RASGRF2: variants seen among roughly 807,000 people sequenced by gnomAD.
The protein encoded by RASGRF2 is Ras protein specific guanine nucleotide releasing factor 2.
Under a neutral mutation model 151.0 loss-of-function variants are expected in RASGRF2, and 76 were observed. That is an observed-to-expected ratio of 0.50 (90% CI 0.42 to 0.61). RASGRF2 has a LOEUF of 0.61. RASGRF2 is among the 20% of genes least tolerant of loss of function. The pLI, the probability that RASGRF2 is intolerant of heterozygous loss-of-function variation, is 0.00. For synonymous variants in RASGRF2, 504 were observed against 566.5 expected, an observed-to-expected ratio of 0.89 and a Z score of 1.57; for missense variants, 1,148 against 1,564.6, an observed-to-expected ratio of 0.73 and a Z score of 4.49.
At chr5:80,964,736 G>A (rs998692864) in intron 1 of RASGRF2, among the ~76,000 whole-genome samples, 1 of 152,026 alleles carries the variant, frequency 6.6e-6, no homozygotes, top group Non-Finnish European at 1.5e-5. Context: ...TGAGAAATAC[G>A]ATTGCAGACC....
intron 25 of RASGRF2, among the ~76,000 whole-genome samples, chr5:81,219,426 G>T (rs1042428485): frequency 1.3e-5 from 2 of 152,154 alleles, no homozygotes; most frequent in Non-Finnish European, 2.9e-5. Context: ...AGGAGCCCAC[G>T]GATGACAGCA....
At chr5:81,120,826 G>A (rs1455232388) in intron 15 of RASGRF2, among the ~76,000 whole-genome samples, 1 of 152,108 alleles carries the variant, frequency 6.6e-6, no homozygotes, top group Non-Finnish European at 1.5e-5. Context: ...TTGGTTGTGC[G>A]GGCACATGCT....
At chr5:81,023,023 G>A (rs1011059081) in intron 1 of RASGRF2, among the ~76,000 whole-genome samples, 7 of 146,364 alleles carry the variant, frequency 4.8e-5, no homozygotes, top group Admixed American at 4.1e-4. Flanking sequence ...CAGCTGTTGA[G>A]TCCAGATGCA....
At chr5:80,990,460 G>A (rs1017433526) in intron 1 of RASGRF2, among the ~76,000 whole-genome samples, 2 of 152,126 alleles carry the variant, frequency 1.3e-5, no homozygotes, top group Non-Finnish European at 2.9e-5. Flanking sequence ...CCAGGAAGAA[G>A]TCGTCTAGAC....
At position 81,212,254 on chromosome 5, in the gene RASGRF2, A is replaced by T. The variant is rs372292552; in HGVS notation, c.3157-112A>T. On this transcript the variant is annotated intron_variant, in intron 22 of 26. Coordinates refer to ENST00000265080, the MANE Select transcript of RASGRF2 (RefSeq NM_006909.3). Reference sequence around the variant, plus strand: ...ATCTAAATGTAGAATATGATCTTCAAGCTACTCAACACCCTGCCTTCCTGA... The same window carrying T: ...ATCTAAATGTAGAATATGATCTTCATGCTACTCAACACCCTGCCTTCCTGA... 8.4e-4 allele frequency: 572 copies of T among 677,210 alleles called. 1 individual carries two copies. The highest frequency in any genetic ancestry group is 1.1e-3 in the Admixed American group (34 of 31,692). 42.0% of individuals were successfully genotyped at this position (677,210 alleles called of 1,614,324 possible).
chr5:81,147,163 C>T (rs966578410), intron 17 of RASGRF2, among the ~76,000 whole-genome samples: 1 of 152,120 alleles, frequency 6.6e-6, no homozygotes, highest in South Asian at 2.1e-4. Context: ...AACAAAGTGT[C>T]GCATTACCAA....
intron 17 of RASGRF2, among the ~76,000 whole-genome samples, chr5:81,143,825 G>T (rs1235256799): frequency 6.6e-6 from 1 of 151,564 alleles, no homozygotes; most frequent in Non-Finnish European, 1.5e-5. Flanking sequence ...GGGAGGCAGA[G>T]GTTGCAATGA....
chr5:81,093,903 C>T (rs1190979050), intron 10 of RASGRF2, among the ~76,000 whole-genome samples: 1 of 151,982 alleles, frequency 6.6e-6, no homozygotes, highest in African/African-American at 2.4e-5. Context: ...GATAGGCAAA[C>T]TTTTTTATTA....
At chr5:81,138,896 T>C (rs1753818392) in intron 17 of RASGRF2, among the ~76,000 whole-genome samples, 1 of 152,202 alleles carries the variant, frequency 6.6e-6, no homozygotes, top group South Asian at 2.1e-4. Flanking sequence ...TGGTAACTTC[T>C]AAGTTCTTTA....
chr5:81,154,645 G>A (rs574547019), intron 17 of RASGRF2, among the ~76,000 whole-genome samples: 1 of 152,176 alleles, frequency 6.6e-6, no homozygotes, highest in African/African-American at 2.4e-5. Context: ...GGTATGTTTC[G>A]AGAACACAGT....
chr5:81,083,521 A>G (rs534494412), intron 7 of RASGRF2, among the ~76,000 whole-genome samples: 6 of 152,328 alleles, frequency 3.9e-5, no homozygotes, highest in African/African-American at 1.2e-4. Context: ...ATGTTGAACT[A>G]TGGAAACATG....
intron 1 of RASGRF2, among the ~76,000 whole-genome samples, chr5:81,022,398 T>A (rs1749859575): frequency 6.6e-6 from 1 of 152,168 alleles, no homozygotes; most frequent in Non-Finnish European, 1.5e-5. Flanking sequence ...GACACCAATC[T>A]TACTGATTTA....
At position 81,045,372 on chromosome 5, in the gene RASGRF2, C is replaced by T. The variant is rs564962423; in HGVS notation, c.395+2389C>T. Among the ~76,000 whole-genome samples, 19 of 152,214 alleles carry T rather than the reference C, an allele frequency of 1.2e-4. No homozygotes were observed. In the East Asian group the frequency reaches 3.7e-3, roughly 29 times the overall value. ...AACCAAACACAAATAATGCAAATTGCTTTAAAGATGATTAGATTCCAAGTA... is the reference window on the plus strand; with the variant it reads ...AACCAAACACAAATAATGCAAATTGTTTTAAAGATGATTAGATTCCAAGTA... On this transcript the variant is annotated intron_variant, in intron 2 of 26. Transcript: ENST00000265080.
chr5:80,971,327 A>T (rs2112218093), intron 1 of RASGRF2, among the ~76,000 whole-genome samples: 1 of 152,302 alleles, frequency 6.6e-6, no homozygotes, highest in South Asian at 2.1e-4. Flanking sequence ...AGACTCATGA[A>T]GTAAGTACTC....
At chr5:80,999,185 C>T (rs1367839033) in intron 1 of RASGRF2, among the ~76,000 whole-genome samples, 2 of 152,054 alleles carry the variant, frequency 1.3e-5, no homozygotes, top group Non-Finnish European at 2.9e-5. Context: ...TCACCCATTC[C>T]TATTTAAGAT....
At position 81,134,623 on chromosome 5, in the gene RASGRF2, A is replaced by G. The variant is rs147545452; in HGVS notation, c.2686+7460A>G. ...CAGGCTCTTTAGTTGATTCTGATAC[A>G]TACTAAAGTTTGAGAAGCAGTGAAC... On this transcript the variant is annotated intron_variant, in intron 17 of 26. Transcript: ENST00000265080. Among the ~76,000 whole-genome samples the G allele has an allele frequency of 4.2e-3, 647 of 152,338 alleles. 21 individuals carry two copies. The highest frequency in any genetic ancestry group is 0.038 in the Admixed American group (574 of 15,288).
At chr5:81,082,306 A>G (rs1752109787) in intron 7 of RASGRF2, among the ~76,000 whole-genome samples, 1 of 152,110 alleles carries the variant, frequency 6.6e-6, no homozygotes, top group South Asian at 2.1e-4. Flanking sequence ...GTCCTTGGAA[A>G]GGTCTTTGGA....
intron 1 of RASGRF2, among the ~76,000 whole-genome samples, chr5:81,023,549 A>T (rs193227683): frequency 6.7e-6 from 1 of 150,114 alleles, no homozygotes; most frequent in Admixed American, 6.6e-5. Flanking sequence ...TTGCAGGCAC[A>T]TGCAGAGGCA....
intron 19 of RASGRF2, among the ~76,000 whole-genome samples, chr5:81,206,530 A>G (rs1755511351): frequency 6.6e-6 from 1 of 152,194 alleles, no homozygotes; most frequent in Admixed American, 6.5e-5. Flanking sequence ...TCCATTTTAC[A>G]TTATGGATGG....
Sources: gnomAD v4.1 joint callset for allele counts (sites outside exome capture counted in the v4.1 genomes callset) on GRCh38, gnomAD v4.1.1 for gene constraint, MANE v1.5 for transcripts, NCBI Gene and HGNC (gene_info 2026-07-23, HGNC 2026-07-21) for gene names.